The following LGR5 variants were observed in gnomAD, a reference collection of about 807,000 sequenced individuals.
The protein encoded by LGR5 is leucine-rich repeat-containing G protein-coupled receptor 5.
LGR5 carries 54 observed loss-of-function variants against 76.7 expected under a neutral mutation model. The ratio of observed to expected loss-of-function variants is 0.70; its 90% CI spans 0.57 to 0.88. The LOEUF (loss-of-function observed/expected upper bound fraction) is 0.88, where lower values mean the gene tolerates loss of function less well. LGR5 is among the 40% of genes least tolerant of loss of function. LGR5 has a pLI of 0.00. For missense variants in LGR5, 1,078 were observed against 1,073.3 expected, an observed-to-expected ratio of 1.00 and a Z score of -0.06; for synonymous variants, 406 against 421.9, an observed-to-expected ratio of 0.96 and a Z score of 0.46.
At chr12:71,456,154 T>A (rs556563821) in intron 1 of LGR5, among the ~76,000 whole-genome samples, 1 of 152,290 alleles carries the variant, frequency 6.6e-6, no homozygotes, top group South Asian at 2.1e-4. Context: ...ATGCTTATAC[T>A]TTTTTATTCC....
At chr12:71,548,309 G>GTGTGTGTT (rs1208835398) in intron 4 of LGR5, among the ~76,000 whole-genome samples, 1 of 133,522 alleles carries the variant, frequency 7.5e-6, no homozygotes, top group Non-Finnish European at 1.7e-5. Flanking sequence ...CACTGTGTGT[G>GTGTGTGTT]TGTGTGTGTG....
intron 1 of LGR5, among the ~76,000 whole-genome samples, chr12:71,476,718 C>A (rs1018289638): frequency 6.6e-6 from 1 of 152,110 alleles, no homozygotes; most frequent in Admixed American, 6.5e-5. Context: ...TGAGTCATCC[C>A]AGCCAAGGCT....
At chr12:71,472,092 A>T (rs1028232278) in intron 1 of LGR5, among the ~76,000 whole-genome samples, 9 of 152,168 alleles carry the variant, frequency 5.9e-5, no homozygotes, top group African/African-American at 2.2e-4. Context: ...CTCAGAAATC[A>T]TCACTAAAGA....
intron 3 of LGR5, among the ~76,000 whole-genome samples, chr12:71,532,612 C>T (rs912396094): frequency 6.6e-6 from 1 of 151,784 alleles, no homozygotes; most frequent in Non-Finnish European, 1.5e-5. Context: ...TATTTATATA[C>T]ATAAAAGTAC....
chr12:71,533,032 G>A (rs990768671), intron 3 of LGR5, among the ~76,000 whole-genome samples: 4 of 151,990 alleles, frequency 2.6e-5, no homozygotes, highest in Non-Finnish European at 4.4e-5. Flanking sequence ...CCTACCCTTC[G>A]TTTCTAAATA....
rs148859225 is a variant in LGR5 at position 71,507,916 on chromosome 12, C to A, written c.284+3231C>A. Among the ~76,000 whole-genome samples the A allele has an allele frequency of 3.5e-3, 527 of 152,080 alleles. 3 individuals are homozygous for A. The highest frequency in any genetic ancestry group is 0.012 in the African/African-American group (506 of 41,462). ...TATTAAGAAACCTCCCATCATAAAA[C>A]TCAGTCTTTAAAAATCACTATCAGC... On this transcript the variant is annotated intron_variant, in intron 2 of 17. Coordinates refer to ENST00000266674, the MANE Select transcript of LGR5 (RefSeq NM_003667.4).
chr12:71,469,180 T>C (rs201897032), intron 1 of LGR5, among the ~76,000 whole-genome samples: 1 of 152,356 alleles, frequency 6.6e-6, no homozygotes, highest in East Asian at 1.9e-4. Context: ...CAGGTGAATT[T>C]ATTCAGCCTG....
intron 4 of LGR5, among the ~76,000 whole-genome samples, chr12:71,548,348 T>A (rs1432603114): frequency 7.1e-6 from 1 of 141,756 alleles, no homozygotes; most frequent in Non-Finnish European, 1.6e-5. Flanking sequence ...TACACATGCA[T>A]AGCAATAATA....
intron 1 of LGR5, 39 bp from the exon 2 acceptor site, chr12:71,504,575 A>T: frequency 3.3e-6 from 5 of 1,527,930 alleles, no homozygotes; most frequent in Non-Finnish European, 4.5e-6. Flanking sequence ...TTGTGGTGGC[A>T]TTTGCTGCTC....
chr12:71,526,180 TATGATATTGACCCA>T (rs1277056645), intron 3 of LGR5, among the ~76,000 whole-genome samples: 2 of 152,198 alleles, frequency 1.3e-5, no homozygotes, highest in African/African-American at 4.8e-5. Flanking sequence ...TTCATTTTTG[TATGATATTGACCCA>T]ATGCTGTATG....
chr12:71,445,627 A>G (rs769321825), intron 1 of LGR5, among the ~76,000 whole-genome samples: 59 of 152,338 alleles, frequency 3.9e-4, no homozygotes, highest in Non-Finnish European at 7.2e-4. Flanking sequence ...GGTGGGAAGC[A>G]GGTCCGTTCC....
At chr12:71,497,284 C>T (rs1365346866) in intron 1 of LGR5, among the ~76,000 whole-genome samples, 1 of 151,528 alleles carries the variant, frequency 6.6e-6, no homozygotes, top group African/African-American at 2.4e-5. Context: ...CAGTGCACTC[C>T]AGCCTGGGTG....
At chr12:71,499,327 G>T (rs1342320973) in intron 1 of LGR5, among the ~76,000 whole-genome samples, 1 of 152,096 alleles carries the variant, frequency 6.6e-6, no homozygotes, top group Non-Finnish European at 1.5e-5. Context: ...AATGGCAAGG[G>T]TCTGTTGAAC....
At chr12:71,552,817 A>T (rs548579660) in intron 4 of LGR5, among the ~76,000 whole-genome samples, 2 of 152,276 alleles carry the variant, frequency 1.3e-5, no homozygotes, top group South Asian at 4.1e-4. Flanking sequence ...TCCATGAGAG[A>T]ACATTACCTA....
intron 4 of LGR5, among the ~76,000 whole-genome samples, chr12:71,539,606 T>C (rs141149075): frequency 0.045 from 6,775 of 152,214 alleles, 184 homozygotes; most frequent in Non-Finnish European, 0.063. Flanking sequence ...GCCTCCTAAG[T>C]AGCTGGAATT....
intron 1 of LGR5, among the ~76,000 whole-genome samples, chr12:71,486,853 A>G (rs759562224): frequency 8.5e-5 from 13 of 152,142 alleles, no homozygotes; most frequent in Admixed American, 2.6e-4. Context: ...GGCTCTTACA[A>G]TAGAATGGAA....
rs914661470 is a variant in LGR5 at position 71,439,816 on chromosome 12, C to G, written c.-265C>G. On this transcript the variant is annotated 5_prime_UTR_variant, in exon 1 of 18. Transcript: ENST00000266674. ...AGATGCTGCTCCACACCGCTCAGGC[C>G]GCGAGCAGCAGCAAGGCGCACCGCC... is the stretch of plus-strand genomic sequence containing the variant. The G allele has an allele frequency of 1.5e-5, 7 of 478,528 alleles. No individual in the cohort carries two copies. Among genetic ancestry groups the G allele is most frequent in the Non-Finnish European group, 2.6e-5 (7 of 272,862 alleles). 29.6% of individuals were successfully genotyped at this position (478,528 alleles called of 1,614,324 possible).
At chr12:71,463,963 G>A (rs1002090613) in intron 1 of LGR5, among the ~76,000 whole-genome samples, 15 of 152,026 alleles carry the variant, frequency 9.9e-5, no homozygotes, top group African/African-American at 3.6e-4. Flanking sequence ...GGCAAAAAAA[G>A]CACTGTCTCA....
At chr12:71,460,831 C>T (rs570106708) in intron 1 of LGR5, among the ~76,000 whole-genome samples, 1 of 152,094 alleles carries the variant, frequency 6.6e-6, no homozygotes. Flanking sequence ...TAAAACAGGG[C>T]TAGTTTTCTT....
Sources: gnomAD v4.1 joint callset for allele counts (sites outside exome capture counted in the v4.1 genomes callset) on GRCh38, gnomAD v4.1.1 for gene constraint, MANE v1.5 for transcripts, NCBI Gene and HGNC (gene_info 2026-07-23, HGNC 2026-07-21) for gene names.